Variants in TEX9 observed in about 807,000 individuals in gnomAD.
The protein encoded by TEX9 is testis-expressed protein 9.
In TEX9, 74 loss-of-function variants were observed where a neutral mutation model predicts 59.6. The observed-to-expected ratio is 1.24, with a 90% CI of 1.03 to 1.51. The LOEUF (loss-of-function observed/expected upper bound fraction) is 1.51. TEX9 is among the 40% of genes most tolerant of loss of function. The pLI is 0.00. For missense variants in TEX9, 522 were observed against 447.8 expected (o/e 1.17, Z -1.49); for synonymous variants, 186 against 152.2 (o/e 1.22, Z -1.64).
intron 1 of TEX9, among the ~76,000 whole-genome samples, chr15:56,263,296 T>A (rs1399433233): frequency 1.3e-5 from 2 of 152,216 alleles, no homozygotes; most frequent in African/African-American, 4.8e-5. Flanking sequence ...GTTCTGGGAT[T>A]ACAGGCGTGA....
At position 56,354,205 on chromosome 15, in the gene TEX9, G is replaced by C. The variant is rs2046641102; in HGVS notation, c.-106-19236G>C. Among the ~76,000 whole-genome samples, 7 of 152,194 alleles carry C rather than the reference G, an allele frequency of 4.6e-5. 1 individual carries two copies. The highest frequency in any genetic ancestry group is 4.6e-4 in the Admixed American group (7 of 15,280). ...GGAATCATTATTACATTAATACTCA[G>C]ATGTCACTGGCTTTTGCTCCACGTG... is the stretch of plus-strand genomic sequence containing the variant. On this transcript the variant is annotated intron_variant, in intron 1 of 5. Coordinates refer to the TEX9 transcript ENST00000560827.
intron 1 of TEX9, among the ~76,000 whole-genome samples, chr15:56,345,378 A>G (rs1461934528): frequency 6.6e-6 from 1 of 152,124 alleles, no homozygotes; most frequent in Non-Finnish European, 1.5e-5. Context: ...CTAATGGCAA[A>G]CAACTCATAA....
chr15:56,418,668 A>C (rs1393973642), intron 10 of TEX9, among the ~76,000 whole-genome samples: 2 of 151,678 alleles, frequency 1.3e-5, no homozygotes, highest in African/African-American at 4.9e-5. Flanking sequence ...ACCAAAAAAC[A>C]AAAAAACAGA....
intron 1 of TEX9, among the ~76,000 whole-genome samples, chr15:56,303,452 A>G (rs1173677732): frequency 1.3e-5 from 2 of 152,140 alleles, no homozygotes; most frequent in African/African-American, 2.4e-5. Context: ...TGAATGATCA[A>G]TGAAGAAATT....
chr15:56,429,420 T>C (rs1208367605), intron 12 of TEX9: 1 of 390,608 alleles, frequency 2.6e-6, no homozygotes, highest in East Asian at 5.5e-5. Context: ...AGCTCTAGTG[T>C]AGGAGCTTTT....
chr15:56,428,989 A>G, intron 12 of TEX9: 1 of 590,422 alleles, frequency 1.7e-6, no homozygotes, highest in Admixed American at 3.8e-5. Flanking sequence ...GATGATTTAC[A>G]AAATCCAAAC....
At chr15:56,357,514 G>A (rs1279637070) in intron 1 of TEX9, among the ~76,000 whole-genome samples, 2 of 152,004 alleles carry the variant, frequency 1.3e-5, no homozygotes, top group African/African-American at 2.4e-5. Context: ...ATTAACTTTT[G>A]TAGTATTGCT....
chr15:56,432,971 A>C (rs1251148593), intron 12 of TEX9, among the ~76,000 whole-genome samples: 2 of 152,200 alleles, frequency 1.3e-5, no homozygotes, highest in African/African-American at 4.8e-5. Flanking sequence ...AAATCTAGTG[A>C]GACAATATAA....
chr15:56,385,975 A>G (rs2047943160), intron 4 of TEX9, among the ~76,000 whole-genome samples: 1 of 152,236 alleles, frequency 6.6e-6, no homozygotes, highest in Non-Finnish European at 1.5e-5. Context: ...ATAGACATAT[A>G]TCCACGAAAA....
intron 12 of TEX9, among the ~76,000 whole-genome samples, chr15:56,436,686 T>G (rs1388707436): frequency 6.6e-6 from 1 of 151,754 alleles, no homozygotes; most frequent in African/African-American, 2.4e-5. Context: ...TCTGAGAAGA[T>G]CAACAAAATT....
At chr15:56,343,346 G>A (rs1162998138) in intron 1 of TEX9, among the ~76,000 whole-genome samples, 7 of 151,754 alleles carry the variant, frequency 4.6e-5, no homozygotes, top group Non-Finnish European at 8.8e-5. Flanking sequence ...AAGAAGAATA[G>A]CAAATCAAAC....
In TEX9 at chr15:56,331,777, AAAAC is replaced by A. The variant is rs541194219; in HGVS notation, c.-106-41657_-106-41654del. On this transcript the variant is annotated intron_variant, in intron 1 of 5. Transcript: ENST00000560827. ...TGAACTCAAACAAATTTACAAGAAAAAAACAAACAACCCCATCAAAAAGTGGGCG... is the reference window on the plus strand; with the variant it reads ...TGAACTCAAACAAATTTACAAGAAAAAAACAACCCCATCAAAAAGTGGGCG... Among the ~76,000 whole-genome samples the A allele has an allele frequency of 3.0e-3, 455 of 152,110 alleles. 1 individual carries two copies. The highest frequency in any genetic ancestry group is 2.9e-3 in the Non-Finnish European group (196 of 67,968).
At chr15:56,257,163 T>G (rs943353247) in intron 1 of TEX9, among the ~76,000 whole-genome samples, 1 of 152,140 alleles carries the variant, frequency 6.6e-6, no homozygotes, top group Non-Finnish European at 1.5e-5. Flanking sequence ...GTATATGTAC[T>G]ACATTTTCTT....
intron 1 of TEX9, among the ~76,000 whole-genome samples, chr15:56,353,405 C>G (rs191435007): frequency 2.6e-5 from 4 of 152,238 alleles, no homozygotes; most frequent in Admixed American, 2.6e-4. Context: ...ACCACAATTT[C>G]TGATATTTTT....
Position 56,391,016 on chromosome 15 carries a change from G to A in TEX9, c.396-227G>A, listed in dbSNP as rs554956901. Among the ~76,000 whole-genome samples, 7 of 152,116 alleles carry A rather than the reference G, an allele frequency of 4.6e-5. No individual in the cohort carries two copies. In the South Asian group the frequency reaches 8.3e-4, roughly 18 times the overall value. On this transcript the variant is annotated intron_variant, in intron 6 of 12. Coordinates refer to ENST00000352903, the Ensembl canonical transcript of TEX9. Reference sequence around the variant, plus strand: ...AATCTGCTAAGTCTCTTGTAATATAGTCCTTGAAAGTATCACATGTAGATT... The same window carrying A: ...AATCTGCTAAGTCTCTTGTAATATAATCCTTGAAAGTATCACATGTAGATT...
At chr15:56,390,641 T>C (rs1403597032) in intron 6 of TEX9, among the ~76,000 whole-genome samples, 1 of 152,082 alleles carries the variant, frequency 6.6e-6, no homozygotes, top group African/African-American at 2.4e-5. Context: ...CTCCTTTTCA[T>C]TAAAAAAAAT....
chr15:56,374,996 G>T (rs1387619075), intron 3 of TEX9, among the ~76,000 whole-genome samples: 7 of 152,168 alleles, frequency 4.6e-5, no homozygotes, highest in African/African-American at 1.7e-4. Context: ...TGTGAACAGT[G>T]CTGCAACAAA....
intron 1 of TEX9, among the ~76,000 whole-genome samples, chr15:56,353,755 G>C (rs1253756783): frequency 6.6e-6 from 1 of 152,156 alleles, no homozygotes; most frequent in Admixed American, 6.5e-5. Context: ...GACATGGACT[G>C]ATTCAAAAGA....
rs562865908 is a variant in TEX9 at position 56,432,814 on chromosome 15, T to C, written c.*29+4341T>C. Among the ~76,000 whole-genome samples, 40 of 152,290 alleles carry C rather than the reference T, an allele frequency of 2.6e-4. No individual in the cohort carries two copies. The South Asian group carries it at 7.2e-3, about 28-fold the overall frequency. On this transcript the variant is annotated intron_variant, in intron 12 of 12. Transcript: ENST00000352903. The stretch of plus-strand genomic sequence containing the variant: ...CACTTGTATTCCCATGAGTTTCTCA[T>C]ATTTGAAACATCTGCATTATTTTGA...
Sources: gnomAD v4.1 joint callset for allele counts (sites outside exome capture counted in the v4.1 genomes callset) on GRCh38, gnomAD v4.1.1 for gene constraint, MANE v1.5 for transcripts, NCBI Gene and HGNC (gene_info 2026-07-23, HGNC 2026-07-21) for gene names.